Variants in CHRDL1 observed in about 807,000 individuals in gnomAD.
CHRDL1 encodes the protein chordin like 1, also known as chordin-like protein 1.
CHRDL1 carries 19 observed loss-of-function variants against 40.9 expected under a neutral mutation model. That is an observed-to-expected ratio of 0.46 (90% confidence interval 0.32 to 0.68). CHRDL1 has a LOEUF of 0.68. Ranked by LOEUF, CHRDL1 falls within the 30% of genes least tolerant of loss-of-function variation. The pLI is 0.03. For synonymous variants in CHRDL1, 136 were observed against 123.4 expected, an observed-to-expected ratio of 1.10 and a Z score of -0.68; for missense variants, 329 against 352.1, an observed-to-expected ratio of 0.93 and a Z score of 0.53.
intron 6 of CHRDL1, among the ~76,000 whole-genome samples, chrX:110,716,601 C>T (rs1054599498): frequency 9.1e-6 from 1 of 110,490 alleles, no homozygotes; most frequent in African/African-American, 3.3e-5. Flanking sequence ...GAAGAAGTGG[C>T]AATTAGGCTG....
At chrX:110,728,121 T>A (rs973155350) in intron 4 of CHRDL1, among the ~76,000 whole-genome samples, 2 of 109,859 alleles carry the variant, frequency 1.8e-5, no homozygotes, top group Admixed American at 1.9e-4. Flanking sequence ...ATTTTTAAAA[T>A]ATATATATAT....
chrX:110,773,298 A>G (rs1174682597), intron 2 of CHRDL1, among the ~76,000 whole-genome samples: 1 of 112,109 alleles, frequency 8.9e-6, no homozygotes, highest in African/African-American at 3.2e-5. Context: ...TTAGCTCAAA[A>G]TATTTTAAAA....
chrX:110,693,163 G>A (rs982938219), intron 8 of CHRDL1, among the ~76,000 whole-genome samples: 1 of 109,338 alleles, frequency 9.1e-6, no homozygotes, highest in African/African-American at 3.3e-5. Context: ...GTGTGGGGGT[G>A]GGGGCAGGGG....
chrX:110,708,362 T>C (rs943960027), intron 6 of CHRDL1, among the ~76,000 whole-genome samples: 1 of 110,752 alleles, frequency 9.0e-6, no homozygotes, highest in Non-Finnish European at 1.9e-5. Flanking sequence ...TGCAGCACCA[T>C]TCACAATAGC....
chrX:110,740,988 T>C (rs149691145), intron 4 of CHRDL1, among the ~76,000 whole-genome samples: 1 of 112,543 alleles, frequency 8.9e-6, no homozygotes, highest in East Asian at 2.8e-4. Flanking sequence ...CTAGCATATA[T>C]ACTATTTGGC....
At chrX:110,730,288 G>T (rs1370418048) in intron 4 of CHRDL1, among the ~76,000 whole-genome samples, 1 of 111,372 alleles carries the variant, frequency 9.0e-6, no homozygotes, top group Non-Finnish European at 1.9e-5. Flanking sequence ...TCACTTCTGA[G>T]CCATCACATC....
intron 2 of CHRDL1, among the ~76,000 whole-genome samples, chrX:110,763,554 T>C (rs1033992834): frequency 1.9e-5 from 2 of 103,787 alleles, no homozygotes; most frequent in African/African-American, 7.7e-5. Context: ...TATATATATA[T>C]ATATACACAC....
At chrX:110,730,201 T>C (rs1265459643) in intron 4 of CHRDL1, among the ~76,000 whole-genome samples, 1 of 112,218 alleles carries the variant, frequency 8.9e-6, no homozygotes, top group African/African-American at 3.2e-5. Flanking sequence ...ACAAGGTTTG[T>C]TTTTACCCCT....
intron 2 of CHRDL1, among the ~76,000 whole-genome samples, chrX:110,782,792 C>T (rs1288032283): frequency 1.8e-5 from 2 of 112,470 alleles, no homozygotes; most frequent in African/African-American, 3.2e-5. Context: ...GCACTTTCCT[C>T]ATTTGTTCAC....
intron 4 of CHRDL1, among the ~76,000 whole-genome samples, chrX:110,722,154 C>T (rs979635781): frequency 8.2e-5 from 9 of 110,208 alleles, no homozygotes; most frequent in Non-Finnish European, 1.1e-4. Context: ...CCTGCCACCA[C>T]GCCTGGCTAT....
chrX:110,688,625 G>A lies in CHRDL1; in HGVS notation c.957C>T (p.Cys319=), dbSNP rs775233175. ...CKYPQKIDGK[C]CKVCPGKKAK... is the part of the protein sequence containing the mutation. The stretch of plus-strand genomic sequence containing the variant: ...CTTTTTTACCTGGACACACCTTGCA[G>A]CATTTTCCGTCTATTTTTTGAGGAT... The change falls in exon 9 of 12, where the codon TGC becomes TGT. Residue 319 remains cysteine (C), a synonymous_variant. Coordinates refer to ENST00000372042, the MANE Select transcript of CHRDL1 (RefSeq NM_001143981.2). 1.7e-6 allele frequency: 2 copies of A among 1,208,169 alleles called. No homozygotes were observed. The highest frequency in any genetic ancestry group is 1.8e-5 in the African/African-American group (1 of 56,716).
chrX:110,688,733 A>G lies in CHRDL1; in HGVS notation c.849T>C (p.Ile283=). The G allele has an allele frequency of 8.3e-7, 1 of 1,209,781 alleles. No individual in the cohort carries two copies. The highest frequency in any genetic ancestry group is 1.1e-6 in the Non-Finnish European group (1 of 894,445). ...TACAAGTACATAGCACACACTCCAC[A>G]ATGCCAAATGCCCGGAGGTTTGGGT... ...SWHPNLRAFG[I]VECVLCTCNV... is the part of the protein sequence containing the mutation. The change falls in exon 9 of 12, where the codon ATT becomes ATC. Residue 283 remains isoleucine, a synonymous_variant. Transcript: ENST00000372042.
intron 6 of CHRDL1, among the ~76,000 whole-genome samples, chrX:110,704,573 T>C (rs962316729): frequency 4.2e-4 from 47 of 111,004 alleles, no homozygotes; most frequent in African/African-American, 1.5e-3. Context: ...GAAAAGAAAC[T>C]GATAAGACCC....
chrX:110,723,822 A>C (rs1217154832), intron 4 of CHRDL1, among the ~76,000 whole-genome samples: 2 of 112,606 alleles, frequency 1.8e-5, no homozygotes, highest in East Asian at 5.5e-4. Context: ...TCTAACATCA[A>C]TTTCTGAGTA....
At chrX:110,697,899 A>G (rs1275204541) in intron 7 of CHRDL1, among the ~76,000 whole-genome samples, 6 of 103,854 alleles carry the variant, frequency 5.8e-5, no homozygotes, top group Non-Finnish European at 9.8e-5. Flanking sequence ...CTCCCCACCA[A>G]TGGCACGAGG....
intron 6 of CHRDL1, among the ~76,000 whole-genome samples, chrX:110,710,436 CA>C (rs986285377): frequency 7.1e-5 from 8 of 111,978 alleles, no homozygotes; most frequent in East Asian, 5.6e-4. Context: ...CATATACACA[CA>C]AAAAAGTCCT....
intron 2 of CHRDL1, among the ~76,000 whole-genome samples, chrX:110,778,303 C>T (rs1032869894): frequency 8.9e-6 from 1 of 112,102 alleles, no homozygotes; most frequent in African/African-American, 3.2e-5. Flanking sequence ...AAAGCATCCA[C>T]AGAGTAAACA....
intron 2 of CHRDL1, among the ~76,000 whole-genome samples, chrX:110,767,799 A>G (rs1381522588): frequency 9.0e-6 from 1 of 110,998 alleles, no homozygotes; most frequent in Non-Finnish European, 1.9e-5. Flanking sequence ...AAATGACCAT[A>G]CTGACAAAAG....
chrX:110,761,505 G>T (rs1162904960), intron 3 of CHRDL1, among the ~76,000 whole-genome samples: 3 of 111,843 alleles, frequency 2.7e-5, no homozygotes, highest in Non-Finnish European at 3.8e-5. Context: ...TCAATGCCTA[G>T]TACAAGGCCT....
Sources: gnomAD v4.1 joint callset for allele counts (sites outside exome capture counted in the v4.1 genomes callset) on GRCh38, gnomAD v4.1.1 for gene constraint, MANE v1.5 for transcripts, NCBI Gene and HGNC (gene_info 2026-07-23, HGNC 2026-07-21) for gene names.